The following DISC1 variants were observed in gnomAD, a reference collection of about 807,000 sequenced individuals.
DISC1 encodes disrupted in schizophrenia 1 protein.
In DISC1, 57 loss-of-function variants were observed where a neutral mutation model predicts 84.5. The observed-to-expected ratio is 0.67, with a 90% confidence interval of 0.55 to 0.84. The LOEUF (loss-of-function observed/expected upper bound fraction) is 0.84. Ranked by LOEUF, DISC1 falls within the 40% of genes least tolerant of loss-of-function variation. The pLI is 0.00. For missense variants in DISC1, 1,000 were observed against 1,057.8 expected (o/e 0.95, Z 0.76); for synonymous variants, 411 against 415.2 (o/e 0.99, Z 0.12).
intron 1 of DISC1, among the ~76,000 whole-genome samples, chr1:231,666,099 C>G (rs2061990999): frequency 6.6e-6 from 1 of 152,072 alleles, no homozygotes; most frequent in African/African-American, 2.4e-5. Context: ...CTTTACCTCC[C>G]TTAATCCGAA....
intron 4 of DISC1, among the ~76,000 whole-genome samples, chr1:231,755,243 A>G (rs1469304753): frequency 6.7e-6 from 1 of 150,018 alleles, no homozygotes; most frequent in Non-Finnish European, 1.5e-5. Flanking sequence ...GTCTCACTCT[A>G]TTGGCCAGGC....
rs181768557 is a variant in DISC1, at chr1:231,677,773, G to T, written c.68-16053G>T. 1.6e-3 allele frequency among the ~76,000 whole-genome samples: 251 copies of T among 152,326 alleles called. 2 individuals are homozygous for T. The highest frequency in any genetic ancestry group is 3.1e-3 in the Non-Finnish European group (211 of 68,026). Reference sequence around the variant, plus strand: ...GCGGGTGGATCGCCTGAGGTCAGGAGTTTGAGACCAGCCTGACCAATATGG... The same window carrying T: ...GCGGGTGGATCGCCTGAGGTCAGGATTTTGAGACCAGCCTGACCAATATGG... On this transcript the variant is annotated intron_variant, in intron 1 of 12. Coordinates refer to ENST00000439617, the MANE Select transcript of DISC1 (RefSeq NM_018662.3).
intron 9 of DISC1, among the ~76,000 whole-genome samples, chr1:231,948,651 C>T (rs745958996): frequency 1.3e-4 from 19 of 151,612 alleles, no homozygotes; most frequent in Admixed American, 3.3e-4. Context: ...AGGAAATTCC[C>T]GTGTTCTGGG....
At chr1:231,791,809 G>C (rs554402851) in intron 6 of DISC1, among the ~76,000 whole-genome samples, 1 of 152,174 alleles carries the variant, frequency 6.6e-6, no homozygotes, top group Non-Finnish European at 1.5e-5. Flanking sequence ...TTATTTTCTG[G>C]TTTTTGGTTT....
intron 10 of DISC1, among the ~76,000 whole-genome samples, chr1:231,961,420 G>A (rs539713904): frequency 1.5e-3 from 231 of 152,262 alleles, no homozygotes; most frequent in Admixed American, 2.3e-3. Context: ...GGGGGTATAT[G>A]TATAGGTTTG....
At chr1:231,673,614 A>G (rs1449468776) in intron 1 of DISC1, among the ~76,000 whole-genome samples, 1 of 152,244 alleles carries the variant, frequency 6.6e-6, no homozygotes. Flanking sequence ...ATTCACTAGA[A>G]AAGATCTTTC....
chr1:231,807,924 G>A (rs2079878710), intron 8 of DISC1, among the ~76,000 whole-genome samples: 1 of 152,208 alleles, frequency 6.6e-6, no homozygotes, highest in African/African-American at 2.4e-5. Flanking sequence ...AGATGCCAGA[G>A]GCAGCCCTGC....
chr1:231,801,282 A>G (rs568526522), intron 8 of DISC1, among the ~76,000 whole-genome samples: 88 of 149,916 alleles, frequency 5.9e-4, no homozygotes, highest in African/African-American at 1.9e-3. Flanking sequence ...GCTGAGAGAA[A>G]AAAAAAGAAG....
chr1:231,847,125 C>T (rs58218030), intron 9 of DISC1, among the ~76,000 whole-genome samples: 6,994 of 152,172 alleles, frequency 0.046, 200 homozygotes, highest in African/African-American at 0.085. Flanking sequence ...GCTGGAAGTT[C>T]GAGATCAAGG....
intron 1 of DISC1, among the ~76,000 whole-genome samples, chr1:231,681,207 C>A (rs906406387): frequency 3.3e-5 from 5 of 152,170 alleles, no homozygotes; most frequent in African/African-American, 1.2e-4. Flanking sequence ...CTGCTTGATG[C>A]ATTTGAAGCA....
intron 9 of DISC1, among the ~76,000 whole-genome samples, chr1:231,902,723 C>G (rs758289967): frequency 6.6e-6 from 1 of 152,138 alleles, no homozygotes; most frequent in Non-Finnish European, 1.5e-5. Context: ...GTTGTTAGAG[C>G]GGTCCTAGCT....
At chr1:231,821,745 C>T (rs1462428932) in intron 9 of DISC1, among the ~76,000 whole-genome samples, 2 of 139,294 alleles carry the variant, frequency 1.4e-5, no homozygotes, top group Non-Finnish European at 3.0e-5. Flanking sequence ...CAGAGTTTTG[C>T]TCTTGTCACC....
intron 9 of DISC1, among the ~76,000 whole-genome samples, chr1:231,917,303 A>G (rs780725138): frequency 2.6e-5 from 4 of 152,090 alleles, no homozygotes; most frequent in South Asian, 2.1e-4. Context: ...TCGAGATGCA[A>G]TCAAATTTGA....
intron 6 of DISC1, among the ~76,000 whole-genome samples, chr1:231,785,171 T>C (rs1451371598): frequency 2.0e-5 from 3 of 152,068 alleles, no homozygotes; most frequent in Middle Eastern, 6.8e-3. Flanking sequence ...TGACAGAAGG[T>C]GAGGGGACTG....
At chr1:231,884,458 A>G (rs770372438) in intron 9 of DISC1, among the ~76,000 whole-genome samples, 10 of 152,178 alleles carry the variant, frequency 6.6e-5, no homozygotes, top group Non-Finnish European at 1.2e-4. Flanking sequence ...GTAGTATACC[A>G]TGGTGTATTT....
rs964651184 is a variant in DISC1, at chr1:232,009,473, C to T, written c.2307+424C>T. Reference sequence around the variant, plus strand: ...TATATGATGTTTATATATTTAGAATCTATATATTACAATATATTATTATTT... The same window carrying T: ...TATATGATGTTTATATATTTAGAATTTATATATTACAATATATTATTATTT... On this transcript the variant is annotated intron_variant, in intron 11 of 12. Coordinates refer to ENST00000439617, the MANE Select transcript of DISC1 (RefSeq NM_018662.3). This position sits in a 1 kb window ranked among gnomAD's most constrained non-coding sequence, Gnocchi z 4.6. The T allele has an allele frequency of 3.3e-6, 2 of 604,122 alleles. No homozygotes were observed. The highest frequency in any genetic ancestry group is 1.4e-4 in the East Asian group (1 of 6,990). 37.4% of individuals were successfully genotyped at this position (604,122 alleles called of 1,614,324 possible).
chr1:231,653,870 T>G (rs572843625), intron 1 of DISC1, among the ~76,000 whole-genome samples: 2 of 152,266 alleles, frequency 1.3e-5, no homozygotes, highest in East Asian at 3.9e-4. Context: ...CGCCTCCCAA[T>G]TTTCAATGAA....
intron 3 of DISC1, among the ~76,000 whole-genome samples, chr1:231,730,474 G>T (rs2071375732): frequency 6.6e-6 from 1 of 152,144 alleles, no homozygotes; most frequent in African/African-American, 2.4e-5. Flanking sequence ...GCAGGTTTGT[G>T]ACAAGGATGT....
chr1:231,955,529 G>A (rs1391687536), intron 9 of DISC1, among the ~76,000 whole-genome samples: 1 of 112,426 alleles, frequency 8.9e-6, no homozygotes, highest in Admixed American at 1.1e-4. Flanking sequence ...GCTTTTTGTT[G>A]CCCAGGCTGG....
Sources: allele counts gnomAD v4.1 joint callset (sites outside exome capture counted in the v4.1 genomes callset), GRCh38; gene constraint gnomAD v4.1.1; non-coding constraint Gnocchi (gnomAD v3.1); transcripts MANE v1.5; gene names NCBI Gene and HGNC (gene_info 2026-07-23, HGNC 2026-07-21).